Variants in VMP1 observed in about 807,000 individuals in gnomAD.
The protein encoded by VMP1 is ectopic P-granules autophagy protein 3 homolog.
In VMP1, 11 loss-of-function variants were observed where a neutral mutation model predicts 56.0. The observed-to-expected ratio is 0.20, with a 90% CI of 0.12 to 0.32. The LOEUF (loss-of-function observed/expected upper bound fraction) is 0.32. Among genes scored for constraint, VMP1 ranks in the 10% least tolerant of loss-of-function variants. The pLI, the probability that VMP1 is intolerant of heterozygous loss-of-function variation, is 1.00. For synonymous variants in VMP1, 149 were observed against 165.0 expected, an observed-to-expected ratio of 0.90 and a Z score of 0.74; for missense variants, 296 against 490.3, an observed-to-expected ratio of 0.60 and a Z score of 3.74.
At chr17:59,769,989 T>C (rs186830647) in intron 6 of VMP1, among the ~76,000 whole-genome samples, 2 of 152,284 alleles carry the variant, frequency 1.3e-5, no homozygotes, top group African/African-American at 4.8e-5. Flanking sequence ...GATGACTAAA[T>C]TCCCTTGTTA....
chr17:59,784,142 T>TGTGTGTGTGTGAGAGAGA (rs556387089), intron 7 of VMP1, among the ~76,000 whole-genome samples: 2 of 130,376 alleles, frequency 1.5e-5, no homozygotes, highest in African/African-American at 6.0e-5. Context: ...TGTGTGTGTG[T>TGTGTGTGTGTGAGAGAGA]GAGAGAGAGA....
At chr17:59,779,634 C>T (rs2036749186) in intron 7 of VMP1, among the ~76,000 whole-genome samples, 1 of 152,088 alleles carries the variant, frequency 6.6e-6, no homozygotes, top group Non-Finnish European at 1.5e-5. Flanking sequence ...ATTTTTAGAA[C>T]AAAGAGTATT....
chr17:59,731,559 G>T (rs759375295), intron 2 of VMP1, 37 bp downstream of exon 2: 1 of 1,433,806 alleles, frequency 7.0e-7, no homozygotes, highest in African/African-American at 1.5e-5. Context: ...AGTGCTATGG[G>T]TTTAAATGAT....
At chr17:59,819,496 C>T (rs2038363582) in intron 10 of VMP1, among the ~76,000 whole-genome samples, 1 of 152,098 alleles carries the variant, frequency 6.6e-6, no homozygotes, top group South Asian at 2.1e-4. Context: ...AGTCTCGCTC[C>T]AGGCTGGAGT....
At chr17:59,744,008 G>A (rs756041672) in intron 5 of VMP1, among the ~76,000 whole-genome samples, 64 of 152,042 alleles carry the variant, frequency 4.2e-4, no homozygotes, top group South Asian at 3.1e-3. Flanking sequence ...TCACCCTTAA[G>A]TATGATGTTA....
chr17:59,778,775 T>TA (rs2036719356), intron 7 of VMP1, among the ~76,000 whole-genome samples: 1 of 152,222 alleles, frequency 6.6e-6, no homozygotes, highest in Non-Finnish European at 1.5e-5. Context: ...GTCCCTAACT[T>TA]ACAGTGGTTT....
At chr17:59,723,167 C>G (rs2143757536) in intron 1 of VMP1, among the ~76,000 whole-genome samples, 1 of 152,276 alleles carries the variant, frequency 6.6e-6, no homozygotes, top group Middle Eastern at 3.4e-3. Flanking sequence ...TTGATATTCT[C>G]TAAAGTTCCT....
rs1387226943 is a variant in VMP1 at position 59,760,092 on chromosome 17, C to T, written c.415-4879C>T. On this transcript the variant is annotated intron_variant, in intron 5 of 11. Transcript: ENST00000262291. ...GAGCTGTGATCACACTACTGCCCTC[C>T]AGCCTGGGCAACAGGGTAGGACCCT... 3.4e-5 allele frequency among the ~76,000 whole-genome samples: 5 copies of T among 148,512 alleles called. 1 individual carries two copies. The South Asian group carries it at 6.4e-4, about 19-fold the overall frequency.
intron 8 of VMP1, 27 bp from the exon 9 acceptor site, chr17:59,811,643 T>C: frequency 6.7e-7 from 1 of 1,500,302 alleles, no homozygotes; most frequent in Non-Finnish European, 9.2e-7. Flanking sequence ...GATTATAATA[T>C]GGAAGTCCTT....
intron 7 of VMP1, among the ~76,000 whole-genome samples, chr17:59,778,066 A>G (rs948698900): frequency 3.9e-5 from 6 of 152,048 alleles, no homozygotes; most frequent in African/African-American, 1.4e-4. Flanking sequence ...TTTACTATCT[A>G]TGAGATTTCC....
intron 1 of VMP1, among the ~76,000 whole-genome samples, chr17:59,729,351 C>T (rs572894098): frequency 1.3e-5 from 2 of 151,880 alleles, no homozygotes; most frequent in East Asian, 3.9e-4. Context: ...GGCATGGTGG[C>T]GGGCACCTGT....
intron 10 of VMP1, among the ~76,000 whole-genome samples, chr17:59,827,128 G>A (rs1395744951): frequency 1.3e-5 from 2 of 151,884 alleles, no homozygotes; most frequent in African/African-American, 4.8e-5. Flanking sequence ...TTTTTTTTAA[G>A]TGAGATTGAA....
intron 7 of VMP1, among the ~76,000 whole-genome samples, chr17:59,795,272 G>T (rs1414745469): frequency 6.6e-6 from 1 of 151,686 alleles, no homozygotes; most frequent in African/African-American, 2.4e-5. Flanking sequence ...ACCATGCTCG[G>T]CTGAGTTTTG....
At chr17:59,715,503 T>G (rs1171595959) in intron 1 of VMP1, among the ~76,000 whole-genome samples, 1 of 152,090 alleles carries the variant, frequency 6.6e-6, no homozygotes, top group Non-Finnish European at 1.5e-5. Flanking sequence ...GCCCCCATGA[T>G]CCAATCACCT....
intron 2 of VMP1, among the ~76,000 whole-genome samples, chr17:59,734,482 C>T (rs1044719214): frequency 6.6e-6 from 1 of 152,138 alleles, no homozygotes; most frequent in Admixed American, 6.5e-5. Context: ...CCTGTAATTC[C>T]AGCACTTTGG....
At chr17:59,797,995 G>A (rs2037504188) in intron 7 of VMP1, among the ~76,000 whole-genome samples, 1 of 152,220 alleles carries the variant, frequency 6.6e-6, no homozygotes, top group Non-Finnish European at 1.5e-5. Flanking sequence ...GTAATTACTA[G>A]GAGTGCCACC....
chr17:59,829,312 A>G (rs1193869234), intron 10 of VMP1, among the ~76,000 whole-genome samples: 1 of 152,206 alleles, frequency 6.6e-6, no homozygotes, highest in Admixed American at 6.6e-5. Flanking sequence ...GTAGATATTA[A>G]TGAGTCAGCA....
At chr17:59,751,744 C>CAAAA (rs932086949) in intron 5 of VMP1, among the ~76,000 whole-genome samples, 2 of 42,550 alleles carry the variant, frequency 4.7e-5, no homozygotes, top group African/African-American at 9.6e-5. Flanking sequence ...AACTCCGTCT[C>CAAAA]AAAAAAAAAA....
intron 7 of VMP1, among the ~76,000 whole-genome samples, chr17:59,780,398 C>G (rs1056725028): frequency 6.6e-6 from 1 of 152,150 alleles, no homozygotes; most frequent in Non-Finnish European, 1.5e-5. Context: ...CGAGACCAGC[C>G]TGGCCAATGT....
Sources: allele counts gnomAD v4.1 joint callset (sites outside exome capture counted in the v4.1 genomes callset), GRCh38; gene constraint gnomAD v4.1.1; transcripts MANE v1.5; gene names NCBI Gene and HGNC (gene_info 2026-07-23, HGNC 2026-07-21).